Variants in TRERF1 observed in about 807,000 individuals in gnomAD.
TRERF1 encodes the protein transcriptional-regulating factor 1.
TRERF1 carries 27 observed loss-of-function variants against 122.9 expected under a neutral mutation model. The observed-to-expected ratio is 0.22, with a 90% CI of 0.16 to 0.30. The LOEUF is 0.30. Among genes scored for constraint, TRERF1 ranks in the 10% least tolerant of loss-of-function variants. TRERF1 has a pLI of 1.00. For missense variants in TRERF1, 1,248 were observed against 1,560.3 expected (o/e 0.80, Z 3.37); for synonymous variants, 636 against 641.7 (o/e 0.99, Z 0.13).
intron 4 of TRERF1, among the ~76,000 whole-genome samples, chr6:42,287,140 T>C (rs1367047989): frequency 9.9e-6 from 1 of 101,138 alleles, no homozygotes; most frequent in Non-Finnish European, 1.9e-5. Flanking sequence ...TGGGGACTGT[T>C]GTGGGGTGGG....
intron 2 of TRERF1, among the ~76,000 whole-genome samples, chr6:42,364,159 A>C (rs886284023): frequency 7.2e-5 from 11 of 151,854 alleles, no homozygotes; most frequent in Non-Finnish European, 1.3e-4. Flanking sequence ...CCCTTCCTCC[A>C]TTTCCTCCAG....
intron 3 of TRERF1, among the ~76,000 whole-genome samples, chr6:42,343,935 C>A (rs1252047902): frequency 6.6e-6 from 1 of 152,238 alleles, no homozygotes; most frequent in African/African-American, 2.4e-5. Context: ...GCCAGCAGAG[C>A]TGCTGAGCCT....
At chr6:42,449,092 T>C (rs983887825) in intron 2 of TRERF1, among the ~76,000 whole-genome samples, 1 of 152,226 alleles carries the variant, frequency 6.6e-6, no homozygotes, top group East Asian at 1.9e-4. Flanking sequence ...CTGAGTACTT[T>C]CCACACAGTT....
chr6:42,276,369 T>C lies in TRERF1; in HGVS notation c.-258-6521A>G, dbSNP rs1405767875. On this transcript the variant is annotated intron_variant, in intron 4 of 17. Transcript: ENST00000372922. This position sits in a 1 kb window ranked among gnomAD's most constrained non-coding sequence, Gnocchi z 4.3. ...TGAGGAAGAAAAACCAAAAAGATTTTCCTTTTTCTGACCCCGGGCAGTCAG... is the reference window on the plus strand; with the variant it reads ...TGAGGAAGAAAAACCAAAAAGATTTCCCTTTTTCTGACCCCGGGCAGTCAG... Among the ~76,000 whole-genome samples, 3 of 152,220 alleles carry C rather than the reference T, an allele frequency of 2.0e-5. No individual in the cohort carries two copies. The highest frequency in any genetic ancestry group is 2.0e-4 in the Admixed American group (3 of 15,280).
chr6:42,287,342 C>T, intron 4 of TRERF1, among the ~76,000 whole-genome samples: 1 of 151,794 alleles, frequency 6.6e-6, no homozygotes, highest in East Asian at 1.9e-4. Flanking sequence ...GTAAGATCTC[C>T]TAAAGTGTCT....
chr6:42,348,591 C>T (rs1768794002), intron 3 of TRERF1, among the ~76,000 whole-genome samples: 1 of 152,160 alleles, frequency 6.6e-6, no homozygotes, highest in Admixed American at 6.5e-5. Flanking sequence ...TCAAGCTAAA[C>T]AAATTTCATC....
intron 16 of TRERF1, among the ~76,000 whole-genome samples, chr6:42,235,797 T>A (rs998226142): frequency 6.6e-6 from 1 of 152,242 alleles, no homozygotes; most frequent in Non-Finnish European, 1.5e-5. Context: ...CAAGTAATTA[T>A]GTCATAAAAG....
rs117772751 is a variant in TRERF1 at position 42,393,069 on chromosome 6, G to A, written c.-453-29990C>T. Among the ~76,000 whole-genome samples, 45 of 152,232 alleles carry A rather than the reference G, an allele frequency of 3.0e-4. 1 individual carries two copies. In the East Asian group the frequency reaches 8.5e-3, roughly 29 times the overall value. On this transcript the variant is annotated intron_variant, in intron 2 of 17. Coordinates refer to ENST00000372922, the Ensembl canonical transcript of TRERF1. The surrounding 1 kb of genome is among the most constrained non-coding windows in gnomAD (Gnocchi z 4.1). ...AGAGACATGCACAGTTAACTCCCACGAGCTGGTGCGAGCCAGCTTCCACAC... is the reference window on the plus strand; with the variant it reads ...AGAGACATGCACAGTTAACTCCCACAAGCTGGTGCGAGCCAGCTTCCACAC...
chr6:42,339,453 T>A (rs1251158069), intron 3 of TRERF1, among the ~76,000 whole-genome samples: 3 of 152,164 alleles, frequency 2.0e-5, no homozygotes, highest in Non-Finnish European at 2.9e-5. Flanking sequence ...AAACATCAAG[T>A]CTTAATGTCC....
intron 3 of TRERF1, among the ~76,000 whole-genome samples, chr6:42,355,176 A>C (rs1770264023): frequency 6.6e-6 from 1 of 152,212 alleles, no homozygotes; most frequent in Non-Finnish European, 1.5e-5. Flanking sequence ...TTCACCAGTA[A>C]GTATATAGCG....
At chr6:42,417,743 A>T (rs1782044910) in intron 2 of TRERF1, among the ~76,000 whole-genome samples, 1 of 152,132 alleles carries the variant, frequency 6.6e-6, no homozygotes, top group Non-Finnish European at 1.5e-5. Context: ...ACAGCAGACA[A>T]CCAGAGCCCC....
At chr6:42,328,744 T>TA (rs1364313773) in intron 3 of TRERF1, among the ~76,000 whole-genome samples, 3 of 151,964 alleles carry the variant, frequency 2.0e-5, no homozygotes, top group South Asian at 2.1e-4. Context: ...TGCTGAAAGT[T>TA]AAAAAAAATC....
chr6:42,356,587 T>C (rs1770593439), intron 3 of TRERF1, among the ~76,000 whole-genome samples: 1 of 144,510 alleles, frequency 6.9e-6, no homozygotes. Flanking sequence ...TATTTATTTA[T>C]TTTTAAGATG....
At chr6:42,379,161 C>CA (rs2151122042) in intron 2 of TRERF1, among the ~76,000 whole-genome samples, 1 of 152,066 alleles carries the variant, frequency 6.6e-6, no homozygotes, top group East Asian at 2.0e-4. Flanking sequence ...TACCACCCCC[C>CA]ACAGTCTTTC....
chr6:42,263,191 G>T lies in TRERF1; in HGVS notation c.1884+129C>A. 5 of 1,452,138 alleles carry T rather than the reference G, an allele frequency of 3.4e-6. No individual in the cohort carries two copies. The highest frequency in any genetic ancestry group is 4.5e-6 in the Non-Finnish European group (5 of 1,103,046). The allele number at this position is 1,452,138 out of a possible 1,614,324, so 90.0% of individuals were successfully genotyped here. ...AAGCTCAGGTCAGTGACTCTGGAAG[G>T]GCCGCCCCATCTCCAAGAAAGCAAA... On this transcript the variant is annotated intron_variant, in intron 8 of 17. Coordinates refer to ENST00000372922, the Ensembl canonical transcript of TRERF1. This position sits in a 1 kb window ranked among gnomAD's most constrained non-coding sequence, Gnocchi z 5.6.
intron 4 of TRERF1, among the ~76,000 whole-genome samples, chr6:42,291,209 C>T (rs562420520): frequency 6.6e-6 from 1 of 152,144 alleles, no homozygotes; most frequent in Admixed American, 6.6e-5. Flanking sequence ...AGCCCCCAAC[C>T]CTCTGATACT....
At position 42,228,489 on chromosome 6, in the gene TRERF1, G is replaced by C. The variant is rs1177080789; in HGVS notation, c.3459C>G (p.Ile1153Met). ...GGATGTCCACATCCTTGATGGGTTTGATCAGACTCAGCTGGTCCAGGGGCA... is the reference window on the plus strand; with the variant it reads ...GGATGTCCACATCCTTGATGGGTTTCATCAGACTCAGCTGGTCCAGGGGCA... Residue 1153 changes from isoleucine (I) to methionine (M), a missense_variant, in exon 18 of 18, where the codon ATC becomes ATG. Around this residue, in one of 5 missense-constraint regions of TRERF1, gnomAD observed 84 missense variants for 116.0 expected, o/e 0.72. Coordinates refer to ENST00000372922, the Ensembl canonical transcript of TRERF1. The surrounding 1 kb of genome is among the most constrained non-coding windows in gnomAD (Gnocchi z 4.2). 3 of 1,614,192 alleles carry C rather than the reference G, an allele frequency of 1.9e-6. No homozygotes were observed. The highest frequency in any genetic ancestry group is 1.1e-5 in the South Asian group (1 of 91,076).
At chr6:42,370,554 A>C (rs1300900452) in intron 2 of TRERF1, among the ~76,000 whole-genome samples, 2 of 152,170 alleles carry the variant, frequency 1.3e-5, no homozygotes, top group Non-Finnish European at 2.9e-5. Context: ...AAAACCATGA[A>C]CCAAGGCATT....
intron 3 of TRERF1, among the ~76,000 whole-genome samples, chr6:42,315,954 T>G (rs1266307706): frequency 4.6e-5 from 7 of 152,036 alleles, no homozygotes; most frequent in Admixed American, 4.6e-4. Flanking sequence ...AAGATGCACA[T>G]GAGGACCCAA....
Sources: gnomAD v4.1 joint callset for allele counts (sites outside exome capture counted in the v4.1 genomes callset) on GRCh38, gnomAD v4.1.1 for gene constraint, gnomAD v4.1.1 regional missense constraint, Gnocchi (gnomAD v3.1) non-coding constraint, MANE v1.5 for transcripts, NCBI Gene and HGNC (gene_info 2026-07-23, HGNC 2026-07-21) for gene names.